Variants in LAMB4 observed in about 807,000 individuals in gnomAD.
The protein encoded by LAMB4 is laminin subunit beta 4.
LAMB4 carries 196 observed loss-of-function variants against 199.2 expected under a neutral mutation model. That is an observed-to-expected ratio of 0.98 (90% CI 0.88 to 1.11). The LOEUF is 1.11. Among genes scored for constraint, LAMB4 ranks in the 50% least tolerant of loss-of-function variants. The pLI is 0.00. For missense variants in LAMB4, 2,080 were observed against 2,171.2 expected (o/e 0.96, Z 0.83); for synonymous variants, 744 against 770.6 (o/e 0.97, Z 0.57).
At chr7:108,032,847 A>G (rs1227778946) in intron 31 of LAMB4, among the ~76,000 whole-genome samples, 1 of 152,130 alleles carries the variant, frequency 6.6e-6, no homozygotes, top group Non-Finnish European at 1.5e-5. Context: ...GGTGACCATT[A>G]AAACCCAAAG....
Position 108,062,943 on chromosome 7 carries a change from C to T in LAMB4, c.3113G>A (p.Gly1038Glu), listed in dbSNP as rs2036215710. The change falls in exon 23 of 34, where the codon GGG (glycine) becomes GAG (glutamate). Residue 1038 changes from glycine (G) to glutamate (E), a missense_variant. Physicochemically the swap from Gly to Glu is moderately conservative, Grantham distance 98. Coordinates refer to ENST00000388781, the MANE Select transcript of LAMB4 (RefSeq NM_007356.3). Reference protein sequence around the residue: ...GVSPMECPPGGGACLCDPVTG... With the variant: ...GVSPMECPPGEGACLCDPVTG... ...GACAGGGTCACAGAGGCAAGCTCCC[C>T]CACCAGGGGGACACTCCATGGGACT... 1 of 1,606,780 alleles carries T rather than the reference C, an allele frequency of 6.2e-7. No individual in the cohort carries two copies. The highest frequency in any genetic ancestry group is 8.5e-7 in the Non-Finnish European group (1 of 1,176,966).
intron 14 of LAMB4, among the ~76,000 whole-genome samples, chr7:108,085,223 C>G (rs937120548): frequency 3.9e-5 from 6 of 152,152 alleles, no homozygotes; most frequent in Non-Finnish European, 7.3e-5. Context: ...GAAATGAAAA[C>G]AGTTGACTTA....
At chr7:108,074,631 A>G (rs934115545) in intron 17 of LAMB4, among the ~76,000 whole-genome samples, 1 of 152,196 alleles carries the variant, frequency 6.6e-6, no homozygotes, top group African/African-American at 2.4e-5. Flanking sequence ...AGCCTCTTAA[A>G]GTGCTGGGAT....
intron 27 of LAMB4, among the ~76,000 whole-genome samples, chr7:108,048,981 G>A (rs915857055): frequency 5.9e-5 from 9 of 152,106 alleles, no homozygotes; most frequent in African/African-American, 1.7e-4. Flanking sequence ...GTGAGCCACC[G>A]TGCCCAGCCT....
At chr7:108,041,769 A>T (rs2035430605) in intron 29 of LAMB4, among the ~76,000 whole-genome samples, 1 of 152,134 alleles carries the variant, frequency 6.6e-6, no homozygotes. Context: ...GAGGAAGGAG[A>T]AGATCAGGAG....
At chr7:108,088,875 C>A (rs2037288993) in intron 14 of LAMB4, among the ~76,000 whole-genome samples, 2 of 152,220 alleles carry the variant, frequency 1.3e-5, no homozygotes, top group African/African-American at 2.4e-5. Context: ...CTGAGAATGA[C>A]CCTATGGTCT....
At chr7:108,027,107 G>C (rs1236681371) in intron 33 of LAMB4, among the ~76,000 whole-genome samples, 1 of 152,086 alleles carries the variant, frequency 6.6e-6, no homozygotes, top group Non-Finnish European at 1.5e-5. Context: ...TTCTCCCCAT[G>C]TTTTTACTCC....
At chr7:108,032,992 T>C (rs1298547528) in intron 31 of LAMB4, among the ~76,000 whole-genome samples, 2 of 152,212 alleles carry the variant, frequency 1.3e-5, no homozygotes, top group African/African-American at 4.8e-5. Flanking sequence ...CAGCTATGCA[T>C]TAAAAAATCT....
chr7:108,109,208 GC>G lies in LAMB4; in HGVS notation c.364del (p.Ala122HisfsTer10), dbSNP rs1563101898. 2 of 1,613,538 alleles carry G rather than the reference GC, an allele frequency of 1.2e-6. No homozygotes were observed. Among genetic ancestry groups the G allele is most frequent in the Non-Finnish European group, 1.7e-6 (2 of 1,179,660 alleles). On this transcript the variant is annotated frameshift_variant, in exon 5 of 34. Coordinates refer to ENST00000388781, the MANE Select transcript of LAMB4 (RefSeq NM_007356.3). LOFTEE classifies it high-confidence loss of function. ...GATAAGGTGGCTGAACCGAAATAAT[GC>G]CTCTAAGTCCAGTCTGATGCTGACA... ...DHVSIRLDLE[A>X]LFRFSHLILT...
intron 2 of LAMB4, among the ~76,000 whole-genome samples, 171 bp downstream of exon 2, chr7:108,122,960 A>G (rs1359768503): frequency 6.6e-6 from 1 of 152,256 alleles, no homozygotes; most frequent in East Asian, 1.9e-4. Flanking sequence ...GATACTAAAC[A>G]TGTTGGAGTG....
intron 14 of LAMB4, among the ~76,000 whole-genome samples, chr7:108,089,278 A>G (rs994114388): frequency 6.6e-6 from 1 of 152,122 alleles, no homozygotes; most frequent in African/African-American, 2.4e-5. Context: ...GAAGGCTTCA[A>G]TGAGTTCTCA....
rs142291676 is a variant in LAMB4, at chr7:108,100,216, A to G, written c.1181-1634T>C. Among the ~76,000 whole-genome samples the G allele has an allele frequency of 9.8e-5, 15 of 152,328 alleles. No homozygotes were observed. The East Asian group carries it at 2.3e-3, about 23-fold the overall frequency. Reference sequence around the variant, plus strand: ...CTAATTGAATGTCTTGGTGTCACATAATTCTAGCAAACTTTTATTATCAAG... The same window carrying G: ...CTAATTGAATGTCTTGGTGTCACATGATTCTAGCAAACTTTTATTATCAAG... On this transcript the variant is annotated intron_variant, in intron 10 of 33. Transcript: ENST00000388781.
chr7:108,095,063 C>A (rs1002258380), intron 12 of LAMB4, among the ~76,000 whole-genome samples, 165 bp downstream of exon 12: 1 of 151,984 alleles, frequency 6.6e-6, no homozygotes, highest in African/African-American at 2.4e-5. Flanking sequence ...TGAGGGGAGG[C>A]TGATAGGTAG....
chr7:108,097,735 T>C (rs1356718863), intron 11 of LAMB4, among the ~76,000 whole-genome samples: 3 of 150,988 alleles, frequency 2.0e-5, no homozygotes, highest in African/African-American at 4.9e-5. Context: ...AATAAATAAA[T>C]AAACAAACCA....
chr7:108,056,248 T>C (rs184687223), intron 24 of LAMB4, among the ~76,000 whole-genome samples: 1 of 152,332 alleles, frequency 6.6e-6, no homozygotes, highest in Admixed American at 6.5e-5. Flanking sequence ...GACGTTTTTA[T>C]TGTGTGAGTG....
rs115975011 is a variant in LAMB4, at chr7:108,041,867, C to T, written c.4471+1885G>A. ...TGTGACTCGAGTTTACAAACCTGCA[C>T]ATGTACCTCTGAACTTAAAAGTTAA... On this transcript the variant is annotated intron_variant, in intron 29 of 33. Coordinates refer to ENST00000388781, the MANE Select transcript of LAMB4 (RefSeq NM_007356.3). Among the ~76,000 whole-genome samples the T allele has an allele frequency of 6.4e-3, 975 of 152,120 alleles. 4 individuals carry two copies. Among genetic ancestry groups the T allele is most frequent in the African/African-American group, 0.022 (932 of 41,498 alleles).
chr7:108,018,212 G>A, the LAMB4 span, among the ~76,000 whole-genome samples: 3 of 152,252 alleles, frequency 2.0e-5, no homozygotes, highest in Non-Finnish European at 4.4e-5. Context: ...GACACACACA[G>A]TTTTAATCCA....
At chr7:108,098,301 C>T in intron 11 of LAMB4, 102 bp downstream of exon 11, 1 of 692,940 alleles carries the variant, frequency 1.4e-6, no homozygotes, top group Non-Finnish European at 1.9e-6. Flanking sequence ...CCACTGTACT[C>T]CAGCCTGGGC....
Position 108,104,546 on chromosome 7 carries a change from T to C in LAMB4, c.944A>G (p.Asp315Gly). ...NCERCKDFFQ[D>G]APWRPAADLQ... ...GTCTGCAGCTGGCCTCCAAGGAGCA[T>C]CCTGGAAGAAGTCCTTGCATCTCTC... is the stretch of plus-strand genomic sequence containing the variant. The change falls in exon 9 of 34, where the codon GAT (aspartate) becomes GGT (glycine). Residue 315 changes from aspartate to glycine, a missense_variant. Coordinates refer to ENST00000388781, the MANE Select transcript of LAMB4 (RefSeq NM_007356.3). The C allele has an allele frequency of 6.2e-7, 1 of 1,614,212 alleles. No homozygotes were observed. Among genetic ancestry groups the C allele is most frequent in the Non-Finnish European group, 8.5e-7 (1 of 1,180,028 alleles).
Sources: gnomAD v4.1 joint callset for allele counts (sites outside exome capture counted in the v4.1 genomes callset) on GRCh38, gnomAD v4.1.1 for gene constraint, MANE v1.5 for transcripts, NCBI Gene and HGNC (gene_info 2026-07-23, HGNC 2026-07-21) for gene names.